Variants in CYP26B1 observed in about 807,000 individuals in gnomAD.
CYP26B1 encodes cytochrome P450 26B1.
A neutral mutation model predicts 39.1 loss-of-function variants in CYP26B1; 8 were observed. That is an observed-to-expected ratio of 0.20 (90% CI 0.12 to 0.37). CYP26B1 has a LOEUF of 0.37. Ranked by LOEUF, CYP26B1 falls within the 10% of genes least tolerant of loss-of-function variation. The pLI, the probability that CYP26B1 is intolerant of heterozygous loss-of-function variation, is 1.00. For synonymous variants in CYP26B1, 321 were observed against 314.3 expected (o/e 1.02, Z -0.23); for missense variants, 615 against 707.0 (o/e 0.87, Z 1.48).
chr2:72,134,328 T>TGGGGGGGGGGG (rs1676691398), intron 4 of CYP26B1, among the ~76,000 whole-genome samples: 1 of 34,318 alleles, frequency 2.9e-5, no homozygotes, highest in Non-Finnish European at 5.9e-5. Flanking sequence ...GGGGGGAGGG[T>TGGGGGGGGGGG]GGGAGGGCAT....
At position 72,146,275 on chromosome 2, in the gene CYP26B1, A is replaced by G. The variant is rs6723719; in HGVS notation, c.204+1356T>C. ...TTGCCCAAGTTATTTTATTTCCTAA[A>G]TTCGCGGCCCAAAGCCTAGAGCACC... On this transcript the variant is annotated intron_variant, in intron 1 of 5. Coordinates refer to ENST00000001146, the MANE Select transcript of CYP26B1 (RefSeq NM_019885.4). Among the ~76,000 whole-genome samples the G allele has an allele frequency of 8.1e-3, 1,200 of 148,064 alleles. 17 individuals carry two copies. Among genetic ancestry groups the G allele is most frequent in the African/African-American group, 0.027 (1,106 of 40,252 alleles).
chr2:72,142,755 C>T lies in CYP26B1; in HGVS notation c.429+1234G>A, dbSNP rs189386971. 3.7e-3 allele frequency among the ~76,000 whole-genome samples: 564 copies of T among 152,306 alleles called. 5 individuals are homozygous for T. Among genetic ancestry groups the T allele is most frequent in the African/African-American group, 0.013 (539 of 41,554 alleles). The stretch of plus-strand genomic sequence containing the variant: ...CAGCCACTCCCCAGAACTCCTCTCC[C>T]GCCGCCCCCAGGCTGTGGTAACTGC... On this transcript the variant is annotated intron_variant, in intron 2 of 5. Transcript: ENST00000001146.
intron 5 of CYP26B1, 125 bp downstream of exon 5, chr2:72,132,898 C>T: frequency 6.7e-7 from 1 of 1,503,324 alleles, no homozygotes; most frequent in Non-Finnish European, 9.0e-7. Flanking sequence ...TGAAAGCTCC[C>T]TGAAAGCAAG....
In CYP26B1 at chr2:72,132,499, C is replaced by T. The variant is rs1348778460; in HGVS notation, c.1267G>A (p.Glu423Lys). 11 of 1,612,458 alleles carry T rather than the reference C, an allele frequency of 6.8e-6. No homozygotes were observed. Among genetic ancestry groups the T allele is most frequent in the East Asian group, 2.2e-5 (1 of 44,842 alleles). ...TAATGGAAGCGGCCATCCTTGTCCTCGCTCCGCGCCTGGCTGAAGCGATCG... is the reference window on the plus strand; with the variant it reads ...TAATGGAAGCGGCCATCCTTGTCCTTGCTCCGCGCCTGGCTGAAGCGATCG... ...DPDRFSQARS[E>K]DKDGRFHYLP... The change falls in exon 6 of 6, where the codon GAG (glutamate) becomes AAG (lysine). Residue 423 changes from glutamate (E) to lysine (K), a missense_variant. Glu to Lys is a moderately conservative substitution (Grantham distance 56, BLOSUM62 1). Transcript: ENST00000001146.
intron 1 of CYP26B1, chr2:72,144,611 C>G: frequency 1.7e-6 from 1 of 571,594 alleles, no homozygotes; most frequent in Non-Finnish European, 2.2e-6. Flanking sequence ...TGGCGAGACC[C>G]CGCGGGGTGG....
rs1245664028 is a variant in CYP26B1 at position 72,134,884 on chromosome 2, C to T, written c.738G>A (p.Gly246=). ...GCTTCTCCCGGATGGCCTTCTCCAGCCCCTTCTGCAGGATCTGCCGAGCCT... is the reference window on the plus strand; with the variant it reads ...GCTTCTCCCGGATGGCCTTCTCCAGTCCCTTCTGCAGGATCTGCCGAGCCT... ...GIQARQILQK[G]LEKAIREKLQ... Residue 246 remains glycine, a synonymous_variant, in exon 4 of 6, where the codon GGG becomes GGA. Transcript: ENST00000001146. The T allele has an allele frequency of 6.2e-7, 1 of 1,614,066 alleles. No homozygotes were observed. The highest frequency in any genetic ancestry group is 1.3e-5 in the African/African-American group (1 of 75,020).
chr2:72,136,163 C>T (rs1015343887), intron 2 of CYP26B1, among the ~76,000 whole-genome samples: 25 of 152,088 alleles, frequency 1.6e-4, no homozygotes, highest in African/African-American at 6.0e-4. Flanking sequence ...GTTTATTTAC[C>T]AAAAGCCTGT....
intron 2 of CYP26B1, among the ~76,000 whole-genome samples, chr2:72,140,287 C>A (rs1031520673): frequency 6.6e-6 from 1 of 152,222 alleles, no homozygotes; most frequent in Non-Finnish European, 1.5e-5. Flanking sequence ...CTCCCAGGCA[C>A]CCTGGCAGCT....
chr2:72,138,888 G>T (rs1321323756), intron 2 of CYP26B1, among the ~76,000 whole-genome samples: 3 of 152,172 alleles, frequency 2.0e-5, no homozygotes, highest in Admixed American at 2.0e-4. Flanking sequence ...AGGGTCTAGG[G>T]GTACCGCCAG....
Position 72,143,242 on chromosome 2 carries a change from C to G in CYP26B1, c.429+747G>C, listed in dbSNP as rs922108856. ...TCGGGTTACTGCAGTTCAAACAGCACGTGCCGCCAGCGCTGGGAGCCTAGC... is the reference window on the plus strand; with the variant it reads ...TCGGGTTACTGCAGTTCAAACAGCAGGTGCCGCCAGCGCTGGGAGCCTAGC... On this transcript the variant is annotated intron_variant, in intron 2 of 5. Transcript: ENST00000001146. Among the ~76,000 whole-genome samples the G allele has an allele frequency of 5.9e-5, 9 of 152,368 alleles. No homozygotes were observed. The East Asian group carries it at 1.5e-3, about 26-fold the overall frequency.
In CYP26B1 at chr2:72,132,432, T is replaced by C. The variant is rs775163285; in HGVS notation, c.1334A>G (p.His445Arg). The change falls in exon 6 of 6, where the codon CAC becomes CGC. Residue 445 changes from histidine to arginine, a missense_variant. Coordinates refer to ENST00000001146, the MANE Select transcript of CYP26B1 (RefSeq NM_019885.4). ...GGGVRTCLGK[H>R]LAKLFLKVLA... ...CACCTTCAGGAACAGCTTGGCCAGGTGCTTGCCCAGGCAGGTCCGGACACC... is the reference window on the plus strand; with the variant it reads ...CACCTTCAGGAACAGCTTGGCCAGGCGCTTGCCCAGGCAGGTCCGGACACC... 1 of 1,613,096 alleles carries C rather than the reference T, an allele frequency of 6.2e-7. No individual in the cohort carries two copies. The highest frequency in any genetic ancestry group is 8.5e-7 in the Non-Finnish European group (1 of 1,179,506).
At chr2:72,143,948 G>C (rs751285139) in intron 2 of CYP26B1, 41 bp downstream of exon 2, 1 of 1,607,184 alleles carries the variant, frequency 6.2e-7, no homozygotes, top group South Asian at 1.1e-5. Flanking sequence ...GCCCCGAGGT[G>C]GGGGAGGGAT....
In CYP26B1 at chr2:72,147,839, G is replaced by A. The variant is rs922455741; in HGVS notation, c.-5C>T. The A allele has an allele frequency of 2.0e-6, 3 of 1,519,426 alleles. No homozygotes were observed. The African/African-American group carries it at 4.2e-5, about 21-fold the overall frequency. 94.1% of individuals were successfully genotyped at this position (1,519,426 alleles called of 1,614,324 possible). On this transcript the variant is annotated 5_prime_UTR_variant, in exon 1 of 6. Transcript: ENST00000001146. This position sits in a 1 kb window ranked among gnomAD's most constrained non-coding sequence, Gnocchi z 6.1. ...ATCCAAGCCCTCAAAGAGCATGTTGGCGGCCGCTCGGGGGATTGGCTGTGC... is the reference window on the plus strand; with the variant it reads ...ATCCAAGCCCTCAAAGAGCATGTTGACGGCCGCTCGGGGGATTGGCTGTGC...
At chr2:72,132,840 C>G (rs1344472208) in intron 5 of CYP26B1, among the ~76,000 whole-genome samples, 183 bp downstream of exon 5, 1 of 152,260 alleles carries the variant, frequency 6.6e-6, no homozygotes, top group East Asian at 1.9e-4. Flanking sequence ...ATATGACACC[C>G]AACTTGGCTT....
At chr2:72,132,898 C>G in intron 5 of CYP26B1, 125 bp downstream of exon 5, 1 of 1,503,324 alleles carries the variant, frequency 6.7e-7, no homozygotes, top group Non-Finnish European at 9.0e-7. Flanking sequence ...TGAAAGCTCC[C>G]TGAAAGCAAG....
At chr2:72,136,082 C>G (rs913445730) in intron 2 of CYP26B1, among the ~76,000 whole-genome samples, 23 of 152,188 alleles carry the variant, frequency 1.5e-4, no homozygotes, top group African/African-American at 4.3e-4. Context: ...TGCGCAGCCC[C>G]CCTTGCCACC....
rs1439648009 is a variant in CYP26B1 at position 72,130,237 on chromosome 2, G to A, written c.*1990C>T. 6.6e-6 allele frequency: 1 copy of A among 152,340 alleles called. No individual in the cohort carries two copies. Among genetic ancestry groups the A allele is most frequent in the African/African-American group, 2.4e-5 (1 of 41,440 alleles). The allele number at this position is 152,340 out of a possible 1,614,324, so 9.4% of individuals were successfully genotyped here. On this transcript the variant is annotated 3_prime_UTR_variant, in exon 6 of 6. Coordinates refer to ENST00000001146, the MANE Select transcript of CYP26B1 (RefSeq NM_019885.4). Reference sequence around the variant, plus strand: ...ACACTGGTTTTGTGTTGGGGGGAGGGGGTACAGGTCCGGGTGCACCATGTA... The same window carrying A: ...ACACTGGTTTTGTGTTGGGGGGAGGAGGTACAGGTCCGGGTGCACCATGTA...
At chr2:72,134,700 G>A in intron 4 of CYP26B1, 61 bp downstream of exon 4, 1 of 1,567,692 alleles carries the variant, frequency 6.4e-7, no homozygotes, top group Non-Finnish European at 8.6e-7. Context: ...TCCACCCAGG[G>A]AAAGCTCAGA....
chr2:72,133,273 G>A lies in CYP26B1; in HGVS notation c.896C>T (p.Ala299Val). The change falls in exon 5 of 6, where the codon GCC becomes GTC. Residue 299 changes from alanine to valine, a missense_variant. Ala to Val is a moderately conservative substitution (Grantham distance 64). Transcript: ENST00000001146. ...TGAGGTGCTGGCGCTGGCCGTGGTG[G>A]CATAGGCCGCAAAGATCAGCTCCAG... is the stretch of plus-strand genomic sequence containing the variant. ...GTLELIFAAY[A>V]TTASASTSLI... The A allele has an allele frequency of 6.2e-7, 1 of 1,609,200 alleles. No homozygotes were observed. The highest frequency in any genetic ancestry group is 8.5e-7 in the Non-Finnish European group (1 of 1,179,618).
Sources: allele counts gnomAD v4.1 joint callset (sites outside exome capture counted in the v4.1 genomes callset), GRCh38; gene constraint gnomAD v4.1.1; non-coding constraint Gnocchi (gnomAD v3.1); transcripts MANE v1.5; gene names NCBI Gene and HGNC (gene_info 2026-07-23, HGNC 2026-07-21).